Variants in ZNF148 observed in about 807,000 individuals in gnomAD.
ZNF148 encodes the protein Beta-Enolase Repressor Factor-1.
A neutral mutation model predicts 67.7 loss-of-function variants in ZNF148; 7 were observed. The observed-to-expected ratio is 0.10, with a 90% CI of 0.06 to 0.19. ZNF148 has a LOEUF of 0.19. Ranked by LOEUF, ZNF148 falls within the 10% of genes least tolerant of loss-of-function variation. The pLI is 1.00. For missense variants in ZNF148, 583 were observed against 947.1 expected, an observed-to-expected ratio of 0.62 and a Z score of 5.05; for synonymous variants, 333 against 330.7, an observed-to-expected ratio of 1.01 and a Z score of -0.08.
chr3:125,348,393 A>C (rs765289220), intron 1 of ZNF148, among the ~76,000 whole-genome samples: 1 of 150,712 alleles, frequency 6.6e-6, no homozygotes, highest in Non-Finnish European at 1.5e-5. Flanking sequence ...AGACAGGAGG[A>C]TCACTCGGGC....
intron 1 of ZNF148, among the ~76,000 whole-genome samples, chr3:125,361,322 G>A (rs1942535113): frequency 6.6e-6 from 1 of 152,016 alleles, no homozygotes; most frequent in African/African-American, 2.4e-5. Flanking sequence ...ATTACTCACT[G>A]AAACCATTCC....
intron 7 of ZNF148, among the ~76,000 whole-genome samples, chr3:125,244,125 A>AT (rs1246855874): frequency 6.6e-6 from 1 of 152,078 alleles, no homozygotes; most frequent in African/African-American, 2.4e-5. Context: ...CAAAATGATA[A>AT]TTTTCCCCTA....
At chr3:125,288,031 G>C (rs771004149) in intron 5 of ZNF148, 72 bp downstream of exon 5, 2 of 1,603,728 alleles carry the variant, frequency 1.2e-6, no homozygotes, top group Non-Finnish European at 8.5e-7. Flanking sequence ...GTCCAGCCAG[G>C]TTCTTGCCTA....
intron 7 of ZNF148, among the ~76,000 whole-genome samples, chr3:125,245,933 C>T (rs1936578513): frequency 6.6e-6 from 1 of 152,142 alleles, no homozygotes. Flanking sequence ...TCTTCTGGCC[C>T]CTACCTTTCT....
At chr3:125,345,404 T>C (rs935493114) in intron 1 of ZNF148, among the ~76,000 whole-genome samples, 1 of 152,086 alleles carries the variant, frequency 6.6e-6, no homozygotes, top group Non-Finnish European at 1.5e-5. Context: ...TCAGACGCAC[T>C]AAATGCTTAC....
At chr3:125,373,876 C>A (rs904059412) in intron 1 of ZNF148, among the ~76,000 whole-genome samples, 1 of 152,112 alleles carries the variant, frequency 6.6e-6, no homozygotes, top group African/African-American at 2.4e-5. Context: ...AGCATGTCTT[C>A]CCCCCGACCA....
intron 7 of ZNF148, among the ~76,000 whole-genome samples, chr3:125,270,088 T>C (rs1937651917): frequency 1.3e-5 from 2 of 152,146 alleles, no homozygotes; most frequent in South Asian, 4.1e-4. Context: ...GAAACTTGCA[T>C]ATGTACCCCC....
At position 125,230,089 on chromosome 3, in the gene ZNF148, G is replaced by A. The variant is rs1935789867; in HGVS notation, c.*2252C>T. 1 of 152,402 alleles carries A rather than the reference G, an allele frequency of 6.6e-6. No individual in the cohort carries two copies. Among genetic ancestry groups the A allele is most frequent in the Admixed American group, 6.6e-5 (1 of 15,242 alleles). 9.4% of individuals were successfully genotyped at this position (152,402 alleles called of 1,614,324 possible). Reference sequence around the variant, plus strand: ...CATTTTCAAAGGCCTTCCTTCCCAAGCTCACCCTAAATGCTCAGCAAGAGT... The same window carrying A: ...CATTTTCAAAGGCCTTCCTTCCCAAACTCACCCTAAATGCTCAGCAAGAGT... On this transcript the variant is annotated 3_prime_UTR_variant, in exon 9 of 9. Transcript: ENST00000360647.
intron 7 of ZNF148, among the ~76,000 whole-genome samples, chr3:125,242,575 G>C (rs1402458699): frequency 6.6e-6 from 1 of 152,182 alleles, no homozygotes; most frequent in South Asian, 2.1e-4. Context: ...AGGTTACAGT[G>C]AGCCGAGACT....
chr3:125,337,019 A>T (rs1487047388), intron 1 of ZNF148, among the ~76,000 whole-genome samples: 1 of 150,436 alleles, frequency 6.6e-6, no homozygotes, highest in Non-Finnish European at 1.5e-5. Context: ...ACTCTCACAA[A>T]AAAAAAAAAA....
intron 5 of ZNF148, among the ~76,000 whole-genome samples, chr3:125,287,307 C>CA (rs1167164578): frequency 6.6e-6 from 1 of 151,892 alleles, no homozygotes; most frequent in East Asian, 1.9e-4. Flanking sequence ...CTAGGAATAC[C>CA]AAAAATGCTG....
chr3:125,342,477 G>C (rs1192086760), intron 1 of ZNF148, among the ~76,000 whole-genome samples: 1 of 151,848 alleles, frequency 6.6e-6, no homozygotes, highest in Non-Finnish European at 1.5e-5. Context: ...AAGTGGCACA[G>C]TATTTTTCAA....
intron 7 of ZNF148, among the ~76,000 whole-genome samples, chr3:125,237,699 ATTC>A: frequency 6.6e-6 from 1 of 152,368 alleles, no homozygotes; most frequent in South Asian, 2.1e-4. Flanking sequence ...GTTGATTACA[ATTC>A]AATTAATTCT....
chr3:125,237,402 G>T (rs1403715376), intron 7 of ZNF148, among the ~76,000 whole-genome samples: 1 of 151,992 alleles, frequency 6.6e-6, no homozygotes, highest in African/African-American at 2.4e-5. Flanking sequence ...GGCAACATGG[G>T]GAAACCTGTT....
chr3:125,278,328 T>C (rs1476404275), intron 6 of ZNF148, among the ~76,000 whole-genome samples: 1 of 152,142 alleles, frequency 6.6e-6, no homozygotes, highest in African/African-American at 2.4e-5. Flanking sequence ...AAGTATTCTC[T>C]GGCCTGCTCT....
chr3:125,247,482 G>A (rs892018452), intron 7 of ZNF148, among the ~76,000 whole-genome samples: 5 of 152,030 alleles, frequency 3.3e-5, no homozygotes, highest in African/African-American at 1.2e-4. Context: ...TGTCAACCAG[G>A]CTAGAGTGCA....
chr3:125,232,260 G>A lies in ZNF148; in HGVS notation c.*81C>T, dbSNP rs1935883238. ...TACGCATTGCTCTTAAATCTGTACAGCACTCCATTTACACAGAGTAACCCC... is the reference window on the plus strand; with the variant it reads ...TACGCATTGCTCTTAAATCTGTACAACACTCCATTTACACAGAGTAACCCC... On this transcript the variant is annotated 3_prime_UTR_variant, in exon 9 of 9. Coordinates refer to ENST00000360647, the MANE Select transcript of ZNF148 (RefSeq NM_021964.3). The surrounding 1 kb of genome is among the most constrained non-coding windows in gnomAD (Gnocchi z 4.2). 6.9e-7 allele frequency: 1 copy of A among 1,441,112 alleles called. No homozygotes were observed. The highest frequency in any genetic ancestry group is 2.3e-5 in the Admixed American group (1 of 44,168). The allele number at this position is 1,441,112 out of a possible 1,614,324, so 89.3% of individuals were successfully genotyped here.
chr3:125,239,055 G>C (rs1936227162), intron 7 of ZNF148, among the ~76,000 whole-genome samples: 1 of 152,190 alleles, frequency 6.6e-6, no homozygotes, highest in South Asian at 2.1e-4. Flanking sequence ...TCTAGAACAG[G>C]AAAATTCAGA....
chr3:125,269,965 A>C (rs1937646406), intron 7 of ZNF148, among the ~76,000 whole-genome samples: 1 of 152,136 alleles, frequency 6.6e-6, no homozygotes, highest in Admixed American at 6.5e-5. Context: ...AAGGAAGAAG[A>C]GAAGGAATGG....
Sources: allele counts gnomAD v4.1 joint callset (sites outside exome capture counted in the v4.1 genomes callset), GRCh38; gene constraint gnomAD v4.1.1; non-coding constraint Gnocchi (gnomAD v3.1); transcripts MANE v1.5; gene names NCBI Gene and HGNC (gene_info 2026-07-23, HGNC 2026-07-21).